The following NDUFA9 variants were observed in gnomAD, a reference collection of about 807,000 sequenced individuals.
NDUFA9 encodes NADH:ubiquinone oxidoreductase subunit A9.
A neutral mutation model predicts 45.9 loss-of-function variants in NDUFA9; 23 were observed. The observed-to-expected ratio is 0.50, with a 90% CI of 0.36 to 0.71. The LOEUF (loss-of-function observed/expected upper bound fraction) is 0.71. Ranked by LOEUF, NDUFA9 falls within the 30% of genes least tolerant of loss-of-function variation. The pLI, the probability that NDUFA9 is intolerant of heterozygous loss-of-function variation, is 0.00. For synonymous variants in NDUFA9, 176 were observed against 170.5 expected, an observed-to-expected ratio of 1.03 and a Z score of -0.25; for missense variants, 466 against 488.2, an observed-to-expected ratio of 0.95 and a Z score of 0.43.
At chr12:4,679,610 T>C (rs1049230963) in intron 8 of NDUFA9, among the ~76,000 whole-genome samples, 1 of 152,090 alleles carries the variant, frequency 6.6e-6, no homozygotes, top group African/African-American at 2.4e-5. Context: ...AGCATAGAGA[T>C]TCATGGTCAC....
chr12:4,680,546 A>G (rs1297262027), intron 8 of NDUFA9, among the ~76,000 whole-genome samples: 1 of 152,190 alleles, frequency 6.6e-6, no homozygotes, highest in Non-Finnish European at 1.5e-5. Flanking sequence ...GTGCTTCAGA[A>G]CAGCTGAAAA....
At position 4,668,280 on chromosome 12, in the gene NDUFA9, G is replaced by A. The variant is rs187016424; in HGVS notation, c.656-177G>A. Among the ~76,000 whole-genome samples, 15 of 152,196 alleles carry A rather than the reference G, an allele frequency of 9.9e-5. No individual in the cohort carries two copies. The East Asian group carries it at 1.7e-3, about 18-fold the overall frequency. On this transcript the variant is annotated intron_variant, in intron 6 of 10. Coordinates refer to ENST00000266544, the MANE Select transcript of NDUFA9 (RefSeq NM_005002.5). ...TAAACATTTGGCCTTTTTATTTTCC[G>A]AGTTTATTATCTGAAAAACTAATGA...
At chr12:4,678,900 G>T (rs553561209) in intron 8 of NDUFA9, among the ~76,000 whole-genome samples, 1 of 151,990 alleles carries the variant, frequency 6.6e-6, no homozygotes, top group Admixed American at 6.6e-5. Flanking sequence ...TTACCATATG[G>T]CCTATCAATT....
chr12:4,674,729 T>C (rs1164053987), intron 8 of NDUFA9, among the ~76,000 whole-genome samples: 2 of 152,158 alleles, frequency 1.3e-5, no homozygotes, highest in Non-Finnish European at 2.9e-5. Flanking sequence ...TGGGAGACTT[T>C]AACACCCCAC....
At chr12:4,678,714 C>T (rs1945935381) in intron 8 of NDUFA9, among the ~76,000 whole-genome samples, 1 of 152,052 alleles carries the variant, frequency 6.6e-6, no homozygotes, top group South Asian at 2.1e-4. Context: ...TATCATTAGT[C>T]ATTACAGAAA....
chr12:4,675,005 A>G (rs1363728626), intron 8 of NDUFA9, among the ~76,000 whole-genome samples: 1 of 152,248 alleles, frequency 6.6e-6, no homozygotes, highest in African/African-American at 2.4e-5. Flanking sequence ...ACTCAGGATT[A>G]AGAAACTCAC....
In NDUFA9 at chr12:4,665,875, C is replaced by T. The variant is rs141787242; in HGVS notation, c.656-2582C>T. Among the ~76,000 whole-genome samples the T allele has an allele frequency of 5.6e-4, 85 of 151,994 alleles. No homozygotes were observed. The East Asian group carries it at 0.013, about 22-fold the overall frequency. On this transcript the variant is annotated intron_variant, in intron 6 of 10. Coordinates refer to ENST00000266544, the MANE Select transcript of NDUFA9 (RefSeq NM_005002.5). ...CCTAGGCAGTGATACAATCACAGCT[C>T]ACTGCAGCCTTGAACTCCTGGGCTC...
Position 4,682,210 on chromosome 12 carries a change from G to A in NDUFA9, c.806G>A (p.Ser269Asn). 6.2e-7 allele frequency: 1 copy of A among 1,609,612 alleles called. No homozygotes were observed. Among genetic ancestry groups the A allele is most frequent in the Admixed American group, 1.7e-5 (1 of 59,782 alleles). ...NGKSFAFVGP[S>N]RYLLFHLVKY... The stretch of plus-strand genomic sequence containing the variant: ...TGTGTATTGTCTTTTTATAGTCCCA[G>A]TCGGTACCTCCTTTTCCACCTGGTG... The change falls in exon 9 of 11, where the codon AGT (serine) becomes AAT (asparagine). Residue 269 changes from serine to asparagine, a missense_variant. Transcript: ENST00000266544.
At chr12:4,679,185 G>A (rs1460814142) in intron 8 of NDUFA9, among the ~76,000 whole-genome samples, 2 of 152,164 alleles carry the variant, frequency 1.3e-5, no homozygotes, top group African/African-American at 4.8e-5. Context: ...GTGTGATTCC[G>A]TTTATATGAA....
At chr12:4,666,923 T>C (rs1945856365) in intron 6 of NDUFA9, among the ~76,000 whole-genome samples, 1 of 152,182 alleles carries the variant, frequency 6.6e-6, no homozygotes, top group Admixed American at 6.5e-5. Flanking sequence ...TAAAAAGCCA[T>C]TGGGATTTTG....
rs1272645219 is a variant in NDUFA9 at position 4,649,167 on chromosome 12, C to G, written c.41C>G (p.Ser14Ter). ...AAQSRVVRVL[S>*]MSRSAITAIA... Reference sequence around the variant, plus strand: ...CAATCCCGGGTTGTCCGGGTCCTGTCAATGTCACGTAAGTGTTACCGGGAA... The same window carrying G: ...CAATCCCGGGTTGTCCGGGTCCTGTGAATGTCACGTAAGTGTTACCGGGAA... Residue 14 changes from serine to a stop codon, truncating the protein, a stop_gained, in exon 1 of 11, where the codon TCA becomes TGA. Coordinates refer to ENST00000266544, the MANE Select transcript of NDUFA9 (RefSeq NM_005002.5). LOFTEE classifies it high-confidence loss of function. 1.2e-6 allele frequency: 2 copies of G among 1,604,794 alleles called. No homozygotes were observed. The highest frequency in any genetic ancestry group is 1.3e-5 in the African/African-American group (1 of 74,830).
In NDUFA9 at chr12:4,689,335, G is replaced by A. The variant is rs1418873590; in HGVS notation, c.*2227G>A. On this transcript the variant is annotated 3_prime_UTR_variant, in exon 11 of 11. Coordinates refer to ENST00000266544, the MANE Select transcript of NDUFA9 (RefSeq NM_005002.5). ...TTTTATTTTTATTGATCATTCTTGG[G>A]TGTTTCTCGCAGAGGGGGATTTGGC... The A allele has an allele frequency of 6.6e-6, 1 of 152,074 alleles. No homozygotes were observed. Among genetic ancestry groups the A allele is most frequent in the Non-Finnish European group, 1.5e-5 (1 of 68,412 alleles). The allele number at this position is 152,074 out of a possible 1,614,324, so 9.4% of individuals were successfully genotyped here.
At chr12:4,685,219 A>C (rs1452389385) in intron 9 of NDUFA9, 40 bp from the exon 10 acceptor site, 1 of 1,537,074 alleles carries the variant, frequency 6.5e-7, no homozygotes, top group Non-Finnish European at 9.0e-7. Flanking sequence ...TTGGGCAGAG[A>C]GATGCTTATC....
intron 6 of NDUFA9, among the ~76,000 whole-genome samples, chr12:4,665,711 T>C (rs1396683482): frequency 6.6e-6 from 1 of 151,924 alleles, no homozygotes. Flanking sequence ...AGGTTTCCAC[T>C]TTCTCCAGAT....
intron 8 of NDUFA9, among the ~76,000 whole-genome samples, chr12:4,672,069 C>T (rs542474798): frequency 3.3e-5 from 5 of 152,196 alleles, no homozygotes; most frequent in Admixed American, 6.5e-5. Flanking sequence ...ACTGGTTGGA[C>T]GGTGGGTGCA....
rs902217960 is a variant in NDUFA9, at chr12:4,688,677, C to T, written c.*1569C>T. On this transcript the variant is annotated 3_prime_UTR_variant, in exon 11 of 11. Transcript: ENST00000266544. ...CCAGGTTGCTGACCCCACCCCAGAC[C>T]TACTGAATCAGAGTCTCAGGAAGGA... 2.0e-5 allele frequency: 3 copies of T among 152,166 alleles called. No individual in the cohort carries two copies. Among genetic ancestry groups the T allele is most frequent in the Non-Finnish European group, 4.4e-5 (3 of 68,080 alleles). The allele number at this position is 152,166 out of a possible 1,614,324, so 9.4% of individuals were successfully genotyped here.
At chr12:4,650,410 T>C (rs971679455) in intron 1 of NDUFA9, among the ~76,000 whole-genome samples, 1 of 152,208 alleles carries the variant, frequency 6.6e-6, no homozygotes, top group African/African-American at 2.4e-5. Context: ...TTGTGAATGG[T>C]AATCACTATT....
chr12:4,684,850 C>T lies in NDUFA9; in HGVS notation c.897-409C>T, dbSNP rs938930587. 3.0e-5 allele frequency: 12 copies of T among 393,836 alleles called. No homozygotes were observed. In the Admixed American group the frequency reaches 3.6e-4, roughly 12 times the overall value. The allele number at this position is 393,836 out of a possible 1,614,324, so 24.4% of individuals were successfully genotyped here. A position where few individuals can be genotyped will look rare whatever the true frequency, so the allele number is the denominator to read the frequency against. ...CAAGGGCCCCAGCTTTCAGGGGTTA[C>T]GTTGTATATTTTACACACCATTCAG... On this transcript the variant is annotated intron_variant, in intron 9 of 10. Coordinates refer to ENST00000266544, the MANE Select transcript of NDUFA9 (RefSeq NM_005002.5).
chr12:4,664,347 A>G (rs770762332), intron 6 of NDUFA9, among the ~76,000 whole-genome samples: 3 of 152,236 alleles, frequency 2.0e-5, no homozygotes, highest in African/African-American at 4.8e-5. Flanking sequence ...AGTTTGAACT[A>G]GAAGGGGCAG....
Sources: gnomAD v4.1 joint callset for allele counts (sites outside exome capture counted in the v4.1 genomes callset) on GRCh38, gnomAD v4.1.1 for gene constraint, MANE v1.5 for transcripts, NCBI Gene and HGNC (gene_info 2026-07-23, HGNC 2026-07-21) for gene names.